The following KIRREL3 variants were observed in gnomAD, a reference collection of about 807,000 sequenced individuals.
The protein encoded by KIRREL3 is kin of IRRE-like protein 3.
A neutral mutation model predicts 89.7 loss-of-function variants in KIRREL3; 36 were observed. That is an observed-to-expected ratio of 0.40 (90% CI 0.31 to 0.53). KIRREL3 has a LOEUF of 0.53. Among genes scored for constraint, KIRREL3 ranks in the 20% least tolerant of loss-of-function variants. KIRREL3 has a pLI of 0.49. For missense variants in KIRREL3, 864 were observed against 1,056.6 expected (o/e 0.82, Z 2.53); for synonymous variants, 445 against 441.4 (o/e 1.01, Z -0.10).
rs1003121020 is a variant in KIRREL3, at chr11:126,877,979, A to G, written c.55+122476T>C. Reference sequence around the variant, plus strand: ...CCAATGATGGGACCTAGAATCAAAGATATGGAGGTGACTCGTCCAAGGTCT... The same window carrying G: ...CCAATGATGGGACCTAGAATCAAAGGTATGGAGGTGACTCGTCCAAGGTCT... On this transcript the variant is annotated intron_variant, in intron 1 of 16. Transcript: ENST00000525144. This position sits in a 1 kb window ranked among gnomAD's most constrained non-coding sequence, Gnocchi z 4.9. 2.0e-5 allele frequency among the ~76,000 whole-genome samples: 3 copies of G among 152,152 alleles called. No individual in the cohort carries two copies. Among genetic ancestry groups the G allele is most frequent in the African/African-American group, 7.2e-5 (3 of 41,426 alleles).
rs575221117 is a variant in KIRREL3, at chr11:126,521,981, C to A, written c.284-517G>T. ...CTGGTCTTGAACTCCTGGACTTAGGCGGTTCTCCCTCCTCAACCTCCCAAA... is the reference window on the plus strand; with the variant it reads ...CTGGTCTTGAACTCCTGGACTTAGGAGGTTCTCCCTCCTCAACCTCCCAAA... On this transcript the variant is annotated intron_variant, in intron 3 of 16. Coordinates refer to ENST00000525144, the MANE Select transcript of KIRREL3 (RefSeq NM_032531.4). This position sits in a 1 kb window ranked among gnomAD's most constrained non-coding sequence, Gnocchi z 4.1. 6.6e-6 allele frequency among the ~76,000 whole-genome samples: 1 copy of A among 152,142 alleles called. No individual in the cohort carries two copies. Among genetic ancestry groups the A allele is most frequent in the East Asian group, 1.9e-4 (1 of 5,166 alleles).
intron 1 of KIRREL3, among the ~76,000 whole-genome samples, chr11:126,731,542 CT>C (rs1948616989): frequency 6.6e-6 from 1 of 152,194 alleles, no homozygotes; most frequent in Admixed American, 6.5e-5. Context: ...TTTTATTTAT[CT>C]TTACAGACCC....
At position 126,689,589 on chromosome 11, in the gene KIRREL3, T is replaced by C. The variant is rs1946803746; in HGVS notation, c.56-126677A>G. On this transcript the variant is annotated intron_variant, in intron 1 of 16. Coordinates refer to ENST00000525144, the MANE Select transcript of KIRREL3 (RefSeq NM_032531.4). This position sits in a 1 kb window ranked among gnomAD's most constrained non-coding sequence, Gnocchi z 5.2. ...CACTCCCAAGTGTAGACATGCCTGA[T>C]TATTCTATCCAAACCCAGCCAGGAG... Among the ~76,000 whole-genome samples the C allele has an allele frequency of 6.6e-6, 1 of 152,196 alleles. No homozygotes were observed. Among genetic ancestry groups the C allele is most frequent in the Admixed American group, 6.5e-5 (1 of 15,284 alleles).
At chr11:126,452,776 G>A (rs929162158) in intron 7 of KIRREL3, among the ~76,000 whole-genome samples, 4 of 152,168 alleles carry the variant, frequency 2.6e-5, no homozygotes, top group South Asian at 2.1e-4. Context: ...GGCTGGGTCC[G>A]CAGGAGCCCA....
At chr11:126,735,533 C>T (rs1190333239) in intron 1 of KIRREL3, among the ~76,000 whole-genome samples, 1 of 152,158 alleles carries the variant, frequency 6.6e-6, no homozygotes, top group Non-Finnish European at 1.5e-5. Flanking sequence ...TGGGGCAGCC[C>T]AGACCAGGGA....
At chr11:126,648,171 C>T (rs1944765906) in intron 1 of KIRREL3, among the ~76,000 whole-genome samples, 1 of 152,186 alleles carries the variant, frequency 6.6e-6, no homozygotes, top group Non-Finnish European at 1.5e-5. Context: ...TTCCCCTTTG[C>T]CTTCCACCAT....
In KIRREL3 at chr11:126,812,693, C is replaced by T. The variant is rs953368384; in HGVS notation, c.55+187762G>A. On this transcript the variant is annotated intron_variant, in intron 1 of 16. Transcript: ENST00000525144. The surrounding 1 kb of genome is among the most constrained non-coding windows in gnomAD (Gnocchi z 5.2). ...TTTGTCCATACAGCACCACACTGGGCGTCAGGGTCCTTTTGTTGGGATGAG... is the reference window on the plus strand; with the variant it reads ...TTTGTCCATACAGCACCACACTGGGTGTCAGGGTCCTTTTGTTGGGATGAG... Among the ~76,000 whole-genome samples, 4 of 152,204 alleles carry T rather than the reference C, an allele frequency of 2.6e-5. No homozygotes were observed. Among genetic ancestry groups the T allele is most frequent in the Non-Finnish European group, 5.9e-5 (4 of 68,030 alleles).
chr11:126,986,992 T>C (rs1017531588), intron 1 of KIRREL3, among the ~76,000 whole-genome samples: 4 of 152,148 alleles, frequency 2.6e-5, no homozygotes, highest in African/African-American at 9.7e-5. Flanking sequence ...AGGCTGCTGG[T>C]CAAAACCCTT....
chr11:126,586,706 C>T (rs2134689507), intron 1 of KIRREL3, among the ~76,000 whole-genome samples: 1 of 152,162 alleles, frequency 6.6e-6, no homozygotes, highest in South Asian at 2.1e-4. Context: ...CCTGTGAGGA[C>T]TTGGGTGCTG....
chr11:126,447,696 C>T (rs1372954015), intron 8 of KIRREL3, among the ~76,000 whole-genome samples: 2 of 152,174 alleles, frequency 1.3e-5, no homozygotes, highest in African/African-American at 4.8e-5. Context: ...ATTCCAGGCT[C>T]AGGGTCCGAC....
chr11:126,497,268 CTGTG>C (rs1331794953), intron 4 of KIRREL3, among the ~76,000 whole-genome samples: 2 of 150,878 alleles, frequency 1.3e-5, no homozygotes, highest in African/African-American at 4.9e-5. Flanking sequence ...GTGTGAGTGT[CTGTG>C]TGACAGGGTG....
At position 126,516,893 on chromosome 11, in the gene KIRREL3, G is replaced by T. The variant is rs538827193; in HGVS notation, c.433+4422C>A. ...GGATCACTTGAGGTCAAGTGTTCGA[G>T]ACCAGCCTGGGCAGCATGGCTAAAA... On this transcript the variant is annotated intron_variant, in intron 4 of 16. Coordinates refer to ENST00000525144, the MANE Select transcript of KIRREL3 (RefSeq NM_032531.4). This position sits in a 1 kb window ranked among gnomAD's most constrained non-coding sequence, Gnocchi z 4.9. Among the ~76,000 whole-genome samples, 1 of 152,234 alleles carries T rather than the reference G, an allele frequency of 6.6e-6. No individual in the cohort carries two copies. The highest frequency in any genetic ancestry group is 2.1e-4 in the South Asian group (1 of 4,822).
At chr11:126,862,870 T>C (rs73030453) in intron 1 of KIRREL3, among the ~76,000 whole-genome samples, 381 of 152,324 alleles carry the variant, frequency 2.5e-3, no homozygotes, top group Non-Finnish European at 3.9e-3. Flanking sequence ...GCCAGGCATT[T>C]GAGAAGCAGA....
intron 1 of KIRREL3, among the ~76,000 whole-genome samples, chr11:126,850,915 T>TTACC (rs904490374): frequency 3.3e-5 from 5 of 152,146 alleles, no homozygotes; most frequent in Non-Finnish European, 5.9e-5. Context: ...AGACTAACAG[T>TTACC]TACCGGACAG....
chr11:126,726,188 C>A (rs1948372593), intron 1 of KIRREL3, among the ~76,000 whole-genome samples: 1 of 152,126 alleles, frequency 6.6e-6, no homozygotes. Context: ...CAAATATGGA[C>A]TTTCTTGTTT....
intron 1 of KIRREL3, among the ~76,000 whole-genome samples, chr11:126,675,679 C>A (rs949435987): frequency 6.6e-6 from 1 of 152,238 alleles, no homozygotes; most frequent in East Asian, 1.9e-4. Flanking sequence ...TGGGAGCCAA[C>A]CATGGTGGAA....
intron 1 of KIRREL3, among the ~76,000 whole-genome samples, chr11:126,777,350 C>G (rs1688923656): frequency 6.6e-6 from 1 of 152,038 alleles, no homozygotes; most frequent in Admixed American, 6.5e-5. Context: ...GTCTAGGGAA[C>G]AGTGATAATT....
At chr11:126,646,929 T>C (rs962034637) in intron 1 of KIRREL3, among the ~76,000 whole-genome samples, 3 of 152,214 alleles carry the variant, frequency 2.0e-5, no homozygotes, top group African/African-American at 7.2e-5. Context: ...TCATATCACA[T>C]GTTGCACCAC....
At position 126,452,789 on chromosome 11, in the gene KIRREL3, C is replaced by A. The variant is rs1319666008; in HGVS notation, c.848+3560G>T. 2.0e-5 allele frequency among the ~76,000 whole-genome samples: 3 copies of A among 152,202 alleles called. No homozygotes were observed. The East Asian group carries it at 5.8e-4, about 29-fold the overall frequency. On this transcript the variant is annotated intron_variant, in intron 7 of 16. Coordinates refer to ENST00000525144, the MANE Select transcript of KIRREL3 (RefSeq NM_032531.4). Reference sequence around the variant, plus strand: ...GGGGCTGGGTCCGCAGGAGCCCAAGCCAGGTCTTTTGGGGAGGTGCCTCAG... The same window carrying A: ...GGGGCTGGGTCCGCAGGAGCCCAAGACAGGTCTTTTGGGGAGGTGCCTCAG...
Sources: allele counts gnomAD v4.1 joint callset (sites outside exome capture counted in the v4.1 genomes callset), GRCh38; gene constraint gnomAD v4.1.1; non-coding constraint Gnocchi (gnomAD v3.1); transcripts MANE v1.5; gene names NCBI Gene and HGNC (gene_info 2026-07-23, HGNC 2026-07-21).